CNBD2: variants seen among roughly 807,000 people sequenced by gnomAD.
CNBD2 encodes cyclic nucleotide-binding domain-containing protein 2.
CNBD2 carries 64 observed loss-of-function variants against 63.7 expected under a neutral mutation model. The observed-to-expected ratio is 1.00, with a 90% CI of 0.82 to 1.24. The LOEUF is 1.24. Among genes scored for constraint, CNBD2 ranks in the 50% most tolerant of loss-of-function variants. CNBD2 has a pLI of 0.00. For synonymous variants in CNBD2, 229 were observed against 255.4 expected (o/e 0.90, Z 0.99); for missense variants, 691 against 713.5 (o/e 0.97, Z 0.36).
intron 3 of CNBD2, among the ~76,000 whole-genome samples, chr20:35,977,144 A>T (rs2056532261): frequency 6.6e-6 from 1 of 152,152 alleles, no homozygotes; most frequent in Non-Finnish European, 1.5e-5. Flanking sequence ...GAGCCACAGA[A>T]CTCTAGATAT....
intron 7 of CNBD2, among the ~76,000 whole-genome samples, chr20:35,990,359 C>T (rs1455194771): frequency 3.9e-5 from 6 of 152,128 alleles, no homozygotes; most frequent in Admixed American, 1.3e-4. Context: ...CTCCGGGCGC[C>T]GTGGCTCACA....
intron 7 of CNBD2, among the ~76,000 whole-genome samples, chr20:35,988,816 C>T (rs1214726769): frequency 6.6e-6 from 1 of 152,104 alleles, no homozygotes. Flanking sequence ...CTCTGCCAGC[C>T]TTGCATGTCA....
At chr20:35,982,147 A>G (rs2056606331) in intron 4 of CNBD2, among the ~76,000 whole-genome samples, 1 of 152,184 alleles carries the variant, frequency 6.6e-6, no homozygotes. Flanking sequence ...AAGGAGCAGA[A>G]GGTGGCAGTG....
intron 8 of CNBD2, among the ~76,000 whole-genome samples, chr20:36,000,634 G>C (rs1188501275): frequency 6.6e-6 from 1 of 151,924 alleles, no homozygotes; most frequent in Non-Finnish European, 1.5e-5. Context: ...ACCTCGGCTA[G>C]CTGCAACTTC....
At chr20:35,958,239 T>C (rs1341493871), downstream of CNBD2, among the ~76,000 whole-genome samples, 1 of 152,152 alleles carries the variant, frequency 6.6e-6, no homozygotes, top group African/African-American at 2.4e-5. Context: ...GAGACCAGCC[T>C]GGCCAATATA....
At position 36,008,934 on chromosome 20, in the gene CNBD2, CCTCTCTA is replaced by C. The variant is rs561756112; in HGVS notation, c.1148+461_1148+467del. Among the ~76,000 whole-genome samples the C allele has an allele frequency of 7.8e-3, 1,191 of 152,170 alleles. 12 individuals are homozygous for C. The highest frequency in any genetic ancestry group is 0.027 in the African/African-American group (1,124 of 41,502). On this transcript the variant is annotated intron_variant, in intron 9 of 11. Coordinates refer to ENST00000373973, the MANE Select transcript of CNBD2 (RefSeq NM_001365709.1). ...TTATTTTAGAGGTCAAGGGACTTGACCTCTCTAAGCTGTATTTCTTGGTAGATAATAG... is the reference window on the plus strand; with the variant it reads ...TTATTTTAGAGGTCAAGGGACTTGACAGCTGTATTTCTTGGTAGATAATAG...
Position 36,002,269 on chromosome 20 carries a change from C to T in CNBD2, c.971-6028C>T, listed in dbSNP as rs564077477. On this transcript the variant is annotated intron_variant, in intron 8 of 11. Coordinates refer to ENST00000373973, the MANE Select transcript of CNBD2 (RefSeq NM_001365709.1). ...AAAACCAGTCAGGCGTGGCGGTGCGCGCCTGCAATCGCAGGCACTTGGCAG... is the reference window on the plus strand; with the variant it reads ...AAAACCAGTCAGGCGTGGCGGTGCGTGCCTGCAATCGCAGGCACTTGGCAG... 2.8e-3 allele frequency among the ~76,000 whole-genome samples: 422 copies of T among 152,304 alleles called. 1 individual carries two copies. Among genetic ancestry groups the T allele is most frequent in the Non-Finnish European group, 4.7e-3 (320 of 68,010 alleles).
rs922106070 is a variant in CNBD2 at position 35,992,828 on chromosome 20, T to C, written c.856-2210T>C. ...TGCTCTTTTCTCTCTTTTTTTTTCC[T>C]GCCTGGCCAGCGTTTTTTGAGTGTT... On this transcript the variant is annotated intron_variant, in intron 7 of 11. Transcript: ENST00000373973. Among the ~76,000 whole-genome samples, 5 of 150,158 alleles carry C rather than the reference T, an allele frequency of 3.3e-5. No individual in the cohort carries two copies. The South Asian group carries it at 8.5e-4, about 26-fold the overall frequency.
chr20:35,967,012 C>G (rs1344021546), upstream of CNBD2, among the ~76,000 whole-genome samples: 1 of 152,168 alleles, frequency 6.6e-6, no homozygotes, highest in Non-Finnish European at 1.5e-5. Flanking sequence ...ACCTCTCCCA[C>G]CAGATTGCCT....
At chr20:36,013,048 A>G (rs745961698) in intron 10 of CNBD2, among the ~76,000 whole-genome samples, 70 of 152,112 alleles carry the variant, frequency 4.6e-4, no homozygotes, top group Non-Finnish European at 8.7e-4. Flanking sequence ...GTAATGGTGG[A>G]TACAAAAGCA....
intron 11 of CNBD2, among the ~76,000 whole-genome samples, chr20:36,024,392 G>A (rs901432527): frequency 2.6e-5 from 4 of 152,082 alleles, no homozygotes; most frequent in African/African-American, 9.7e-5. Flanking sequence ...ACTTTGGGAG[G>A]CCAAGGCAAG....
At chr20:35,974,285 A>G (rs528482689) in intron 2 of CNBD2, 4 of 153,776 alleles carry the variant, frequency 2.6e-5, no homozygotes, top group Non-Finnish European at 4.4e-5. Flanking sequence ...AACTGTAACC[A>G]AAAGACTCAG....
chr20:35,994,284 C>T (rs890820194), intron 7 of CNBD2, among the ~76,000 whole-genome samples: 2 of 151,928 alleles, frequency 1.3e-5, no homozygotes, highest in South Asian at 2.1e-4. Flanking sequence ...AGGCTGGTCT[C>T]GAACTCCCGA....
intron 10 of CNBD2, among the ~76,000 whole-genome samples, chr20:36,021,738 T>C (rs1236746645): frequency 6.6e-6 from 1 of 152,224 alleles, no homozygotes; most frequent in Non-Finnish European, 1.5e-5. Context: ...ACAAGGATTC[T>C]AGTCCTGGCT....
In CNBD2 at chr20:36,030,348, G is replaced by A. The variant is rs762412343; in HGVS notation, c.1440-9G>A. ...CATGAGAACCTCGGCTTCTGTGCCTGCCCTTTAGTGATGAAGATATGTGCC... is the reference window on the plus strand; with the variant it reads ...CATGAGAACCTCGGCTTCTGTGCCTACCCTTTAGTGATGAAGATATGTGCC... On this transcript the variant is annotated splice_polypyrimidine_tract_variant and intron_variant, in intron 11 of 11. Coordinates refer to ENST00000373973, the MANE Select transcript of CNBD2 (RefSeq NM_001365709.1). 3 of 1,613,818 alleles carry A rather than the reference G, an allele frequency of 1.9e-6. No individual in the cohort carries two copies. Among genetic ancestry groups the A allele is most frequent in the Middle Eastern group, 1.6e-4 (1 of 6,062 alleles).
At chr20:35,962,725 T>C (rs1384872302) in intron 2 of CNBD2, among the ~76,000 whole-genome samples, 2 of 152,236 alleles carry the variant, frequency 1.3e-5, no homozygotes, top group African/African-American at 4.8e-5. Flanking sequence ...TAACCATCTT[T>C]GCACTCCCAG....
intron 4 of CNBD2, among the ~76,000 whole-genome samples, chr20:35,981,149 G>A (rs914052428): frequency 1.3e-5 from 2 of 152,172 alleles, no homozygotes; most frequent in African/African-American, 2.4e-5. Context: ...CAGCAAAAGC[G>A]ACAGATGTCT....
chr20:35,969,531 G>A (rs1006734981), intron 1 of CNBD2, among the ~76,000 whole-genome samples: 2 of 152,112 alleles, frequency 1.3e-5, no homozygotes, highest in Admixed American at 6.5e-5. Flanking sequence ...TATCACATGT[G>A]TATGTATCCA....
chr20:35,968,792 G>A lies in CNBD2; in HGVS notation c.30G>A (p.Trp10Ter), dbSNP rs142034197. ...GGAGACATATGGTAACTTATGCCTG[G>A]CAGCTCCTGAAGAAGGAACTGGTGA... The part of the protein sequence containing the change: MRRHMVTYA[W>*]QLLKKELGLY... Residue 10 changes from tryptophan (W) to a stop codon, truncating the protein, a stop_gained, in exon 1 of 12, where the codon TGG (tryptophan) becomes TGA (stop). Transcript: ENST00000373973. LOFTEE classifies it high-confidence loss of function. 6.1e-4 allele frequency: 984 copies of A among 1,608,618 alleles called. 2 individuals are homozygous for A. The highest frequency in any genetic ancestry group is 7.9e-4 in the Non-Finnish European group (935 of 1,178,072).
Sources: gnomAD v4.1 joint callset for allele counts (sites outside exome capture counted in the v4.1 genomes callset) on GRCh38, gnomAD v4.1.1 for gene constraint, MANE v1.5 for transcripts, NCBI Gene and HGNC (gene_info 2026-07-23, HGNC 2026-07-21) for gene names.